Variants in VAPA observed in about 807,000 individuals in gnomAD.
VAPA encodes the protein vesicle-associated membrane protein-associated protein A.
In VAPA, 6 loss-of-function variants were observed where a neutral mutation model predicts 25.6. The observed-to-expected ratio is 0.23, with a 90% CI of 0.13 to 0.46. The LOEUF (loss-of-function observed/expected upper bound fraction) is 0.46, where lower values mean the gene tolerates loss of function less well. VAPA is among the 20% of genes least tolerant of loss of function. The probability of loss-of-function intolerance (pLI) is 0.99; values close to 1 mark genes in which losing one functional copy is unlikely to be tolerated. For missense variants in VAPA, 244 were observed against 302.1 expected, an observed-to-expected ratio of 0.81 and a Z score of 1.43; for synonymous variants, 112 against 106.2, an observed-to-expected ratio of 1.05 and a Z score of -0.34.
rs2069519369 is a variant in VAPA at position 9,954,220 on chromosome 18, A to G, written c.*9A>G. On this transcript the variant is annotated 3_prime_UTR_variant, in exon 6 of 6. Coordinates refer to ENST00000400000, the MANE Select transcript of VAPA (RefSeq NM_194434.3). ...GGAAATTCATCTTGTAGAGTGAAGCATGCAGAGTGCTGTTTCTTTTTTTTT... is the reference window on the plus strand; with the variant it reads ...GGAAATTCATCTTGTAGAGTGAAGCGTGCAGAGTGCTGTTTCTTTTTTTTT... 1 of 1,587,042 alleles carries G rather than the reference A, an allele frequency of 6.3e-7. No individual in the cohort carries two copies. Among genetic ancestry groups the G allele is most frequent in the Admixed American group, 1.9e-5 (1 of 53,036 alleles).
At chr18:9,945,048 A>G (rs771494209) in intron 4 of VAPA, 15 of 1,614,064 alleles carry the variant, frequency 9.3e-6, no homozygotes, top group South Asian at 1.1e-5. Context: ...TTGAAACAGG[A>G]GAAACAGAAG....
intron 5 of VAPA, chr18:9,951,187 T>G (rs1268230486): frequency 6.6e-6 from 1 of 152,370 alleles, no homozygotes; most frequent in African/African-American, 2.4e-5. Context: ...TGGGGCAGCA[T>G]TGGGCTGGAG....
At chr18:9,929,872 T>C (rs1425173232) in intron 1 of VAPA, among the ~76,000 whole-genome samples, 1 of 152,214 alleles carries the variant, frequency 6.6e-6, no homozygotes, top group Non-Finnish European at 1.5e-5. Context: ...GTTAAGAATT[T>C]AGTTTTGAAT....
rs376091668 is a variant in VAPA at position 9,954,158 on chromosome 18, G to T, written c.697G>T (p.Val233Phe). 3 of 1,613,342 alleles carry T rather than the reference G, an allele frequency of 1.9e-6. No individual in the cohort carries two copies. The East Asian group carries it at 6.7e-5, about 36-fold the overall frequency. ...CACCAGTCCTCTTCCTTCACTTCTT[G>T]TTGTAATTGCAGCCATTTTCATTGG... ...NVTSPLPSLL[V>F]VIAAIFIGFF... is the part of the protein sequence containing the mutation. The change falls in exon 6 of 6, where the codon GTT (valine) becomes TTT (phenylalanine). Residue 233 changes from valine (V) to phenylalanine (F), a missense_variant. Coordinates refer to ENST00000400000, the MANE Select transcript of VAPA (RefSeq NM_194434.3).
intron 2 of VAPA, among the ~76,000 whole-genome samples, chr18:9,933,378 T>A (rs1416921259): frequency 1.3e-5 from 2 of 152,108 alleles, no homozygotes; most frequent in Admixed American, 1.3e-4. Flanking sequence ...AGTCTTGCGG[T>A]AAGGAGGCCT....
At position 9,956,781 on chromosome 18, in the gene VAPA, T is replaced by G. The variant is rs2069556143; in HGVS notation, c.*2570T>G. ...TTGTCTGCCTGCTTACTTGTATATG[T>G]AAGCATGAGGGAAATACACTGTTGC... On this transcript the variant is annotated 3_prime_UTR_variant, in exon 6 of 6. Coordinates refer to ENST00000400000, the MANE Select transcript of VAPA (RefSeq NM_194434.3). The G allele has an allele frequency of 6.6e-6, 1 of 152,398 alleles. No individual in the cohort carries two copies. The highest frequency in any genetic ancestry group is 1.5e-5 in the Non-Finnish European group (1 of 68,026). The allele number at this position is 152,398 out of a possible 1,614,324, so 9.4% of individuals were successfully genotyped here.
intron 1 of VAPA, among the ~76,000 whole-genome samples, chr18:9,918,883 C>T (rs1170929710): frequency 6.6e-6 from 1 of 152,188 alleles, no homozygotes; most frequent in Non-Finnish European, 1.5e-5. Context: ...CCCATGCCTA[C>T]TCTTCTTCCC....
intron 4 of VAPA, chr18:9,944,823 G>A (rs1295079146): frequency 3.6e-6 from 5 of 1,400,722 alleles, no homozygotes; most frequent in African/African-American, 2.9e-5. Flanking sequence ...AAGTGTTAAT[G>A]TTTAGAGCCT....
Position 9,914,207 on chromosome 18 carries a change from G to A in VAPA, c.-50G>A. ...TCGCCGCCGTCGTCCCCCGCCCCCA[G>A]TCAGCAAACCGCCGCCGCGGGCGCG... is the stretch of plus-strand genomic sequence containing the variant. On this transcript the variant is annotated 5_prime_UTR_variant, in exon 1 of 6. Transcript: ENST00000400000. 1 of 1,528,890 alleles carries A rather than the reference G, an allele frequency of 6.5e-7. No individual in the cohort carries two copies. The highest frequency in any genetic ancestry group is 8.8e-7 in the Non-Finnish European group (1 of 1,133,734). 94.7% of individuals were successfully genotyped at this position (1,528,890 alleles called of 1,614,324 possible).
intron 1 of VAPA, chr18:9,924,813 G>A (rs989130055): frequency 6.6e-6 from 1 of 151,860 alleles, no homozygotes; most frequent in Non-Finnish European, 1.5e-5. Context: ...GAGGGGAAGT[G>A]ATTTACCCAA....
chr18:9,950,979 T>C (rs2143436470), intron 5 of VAPA: 1 of 158,078 alleles, frequency 6.3e-6, no homozygotes, highest in South Asian at 1.9e-4. Context: ...ATACTGATGT[T>C]GAAGAGTTAG....
chr18:9,918,135 TC>T (rs1300920871), intron 1 of VAPA, among the ~76,000 whole-genome samples: 4 of 152,202 alleles, frequency 2.6e-5, no homozygotes, highest in Admixed American at 2.6e-4. Flanking sequence ...GGTTCTTTGT[TC>T]CTCTATTTTT....
rs924074875 is a variant in VAPA at position 9,959,854 on chromosome 18, G to A, written c.*5643G>A. ...GTTTGTTAGGAATTACAGTTGTGGGGAGCAAACTTTCTTTTTTGTGCTGTT... is the reference window on the plus strand; with the variant it reads ...GTTTGTTAGGAATTACAGTTGTGGGAAGCAAACTTTCTTTTTTGTGCTGTT... On this transcript the variant is annotated 3_prime_UTR_variant, in exon 6 of 6. Transcript: ENST00000400000. The A allele has an allele frequency of 1.3e-5, 2 of 151,980 alleles. No homozygotes were observed. The highest frequency in any genetic ancestry group is 2.9e-5 in the Non-Finnish European group (2 of 68,000). 9.4% of individuals were successfully genotyped at this position (151,980 alleles called of 1,614,324 possible).
At chr18:9,949,676 T>C (rs1429188689) in intron 4 of VAPA, 1 of 152,208 alleles carries the variant, frequency 6.6e-6, no homozygotes, top group East Asian at 1.9e-4. Flanking sequence ...TAAATGCTGT[T>C]GGAGTGAAGG....
chr18:9,927,088 CTT>C (rs1467138959), intron 1 of VAPA, among the ~76,000 whole-genome samples: 4 of 152,086 alleles, frequency 2.6e-5, no homozygotes, highest in Admixed American at 6.6e-5. Flanking sequence ...ATTTTATTCT[CTT>C]AACAGAAAAC....
chr18:9,928,690 G>C (rs1397780608), intron 1 of VAPA, among the ~76,000 whole-genome samples: 1 of 152,060 alleles, frequency 6.6e-6, no homozygotes. Flanking sequence ...AAATATATTT[G>C]CCCTAGCTAT....
At chr18:9,914,414 G>A in intron 1 of VAPA, 79 bp downstream of exon 1, 2 of 1,340,294 alleles carry the variant, frequency 1.5e-6, no homozygotes, top group South Asian at 1.4e-5. Flanking sequence ...CGGAGGGCAC[G>A]TCCGCGGCCC....
intron 1 of VAPA, among the ~76,000 whole-genome samples, chr18:9,918,568 T>TAAGA (rs2069131661): frequency 6.6e-6 from 1 of 152,244 alleles, no homozygotes; most frequent in Non-Finnish European, 1.5e-5. Context: ...CATTGTCTTC[T>TAAGA]AATTTTCTTA....
Position 9,954,236 on chromosome 18 carries a change from CT to C in VAPA, c.*38del, listed in dbSNP as rs372690575. 0.062 allele frequency: 75,606 copies of C among 1,228,144 alleles called. 3 individuals carry two copies. Among genetic ancestry groups the C allele is most frequent in the East Asian group, 0.079 (2,665 of 33,528 alleles). The allele number at this position is 1,228,144 out of a possible 1,614,324, so 76.1% of individuals were successfully genotyped here. On this transcript the variant is annotated 3_prime_UTR_variant, in exon 6 of 6. Coordinates refer to ENST00000400000, the MANE Select transcript of VAPA (RefSeq NM_194434.3). ...GAGTGAAGCATGCAGAGTGCTGTTTCTTTTTTTTTTTTTCTCTTGACCAGAA... is the reference window on the plus strand; with the variant it reads ...GAGTGAAGCATGCAGAGTGCTGTTTCTTTTTTTTTTTTCTCTTGACCAGAA...
Sources: gnomAD v4.1 joint callset for allele counts (sites outside exome capture counted in the v4.1 genomes callset) on GRCh38, gnomAD v4.1.1 for gene constraint, MANE v1.5 for transcripts, NCBI Gene and HGNC (gene_info 2026-07-23, HGNC 2026-07-21) for gene names.